Variants in SEMA3G observed in about 807,000 individuals in gnomAD.
The protein encoded by SEMA3G is semaphorin 3G, also known as semaphorin-3G.
A neutral mutation model predicts 86.2 loss-of-function variants in SEMA3G; 70 were observed. That is an observed-to-expected ratio of 0.81 (90% confidence interval 0.67 to 0.99). The LOEUF (loss-of-function observed/expected upper bound fraction) is 0.99, where lower values mean the gene tolerates loss of function less well. SEMA3G is among the 50% of genes least tolerant of loss of function. SEMA3G has a pLI of 0.00. For synonymous variants in SEMA3G, 416 were observed against 441.4 expected, an observed-to-expected ratio of 0.94 and a Z score of 0.72; for missense variants, 1,002 against 1,072.4, an observed-to-expected ratio of 0.93 and a Z score of 0.92.
chr3:52,435,351 A>C lies in SEMA3G; in HGVS notation c.*252T>G, dbSNP rs761496243. 6.7e-5 allele frequency: 36 copies of C among 533,722 alleles called. No homozygotes were observed. The highest frequency in any genetic ancestry group is 1.2e-4 in the Non-Finnish European group (36 of 299,884). The allele number at this position is 533,722 out of a possible 1,614,324, so 33.1% of individuals were successfully genotyped here. A position where few individuals can be genotyped will look rare whatever the true frequency, so the allele number is the denominator to read the frequency against. ...GGCCATCTCTGAGAACAAATGGCAG[A>C]TCCCTTGGGGCTGCCAGCAGCCAGA... On this transcript the variant is annotated 3_prime_UTR_variant, in exon 16 of 16. Transcript: ENST00000231721.
Position 52,442,145 on chromosome 3 carries a change from A to C in SEMA3G, c.459+40T>G. On this transcript the variant is annotated intron_variant, in intron 4 of 15. Coordinates refer to ENST00000231721, the MANE Select transcript of SEMA3G (RefSeq NM_020163.3). This position sits in a 1 kb window ranked among gnomAD's most constrained non-coding sequence, Gnocchi z 6.1. ...GTTCAGGCAGCAGGGAGGAAATGTC[A>C]CTGCCTCCCAGTCCCTTGTGGGGCC... 2 of 1,590,792 alleles carry C rather than the reference A, an allele frequency of 1.3e-6. No homozygotes were observed. Among genetic ancestry groups the C allele is most frequent in the Non-Finnish European group, 1.7e-6 (2 of 1,166,240 alleles).
At chr3:52,436,460 C>T (rs1053992559) in intron 15 of SEMA3G, among the ~76,000 whole-genome samples, 2 of 152,252 alleles carry the variant, frequency 1.3e-5, no homozygotes, top group African/African-American at 4.8e-5. Context: ...AAGGGAGGGG[C>T]TGTGCCCCCT....
intron 15 of SEMA3G, 41 bp from the exon 16 acceptor site, chr3:52,436,114 G>A: frequency 6.4e-7 from 1 of 1,555,802 alleles, no homozygotes. Context: ...GTGCAAGGTG[G>A]GAGTTTACCA....
At position 52,438,172 on chromosome 3, in the gene SEMA3G, C is replaced by A; in HGVS notation, c.1537G>T (p.Gly513Cys). The change falls in exon 14 of 16, where the codon GGT becomes TGT. Residue 513 changes from glycine (G) to cysteine (C), a missense_variant. Coordinates refer to ENST00000231721, the MANE Select transcript of SEMA3G (RefSeq NM_020163.3). ...TGGTGCAGCCGCAGCTGGGCCACAC[C>A]CAGCCGAGAGCCCACGTATAGCATT... Reference protein sequence around the residue: ...RQMLYVGSRLGVAQLRLHQCE... With the variant: ...RQMLYVGSRLCVAQLRLHQCE... 1 of 1,613,276 alleles carries A rather than the reference C, an allele frequency of 6.2e-7. No individual in the cohort carries two copies. The highest frequency in any genetic ancestry group is 8.5e-7 in the Non-Finnish European group (1 of 1,179,964).
rs560280805 is a variant in SEMA3G, at chr3:52,436,169, G to T, written c.1879-96C>A. ...TTTTCTGCCATCCTTGGGGCCCAGT[G>T]CCTGGGCACTTCTTGCCCTATTCTC... On this transcript the variant is annotated intron_variant, in intron 15 of 15. Transcript: ENST00000231721. The T allele has an allele frequency of 6.8e-6, 10 of 1,467,400 alleles. No individual in the cohort carries two copies. In the East Asian group the frequency reaches 2.0e-4, roughly 29 times the overall value. 90.9% of individuals were successfully genotyped at this position (1,467,400 alleles called of 1,614,324 possible).
intron 7 of SEMA3G, 72 bp from the exon 8 acceptor site, chr3:52,441,120 C>A (rs548488323): frequency 1.4e-6 from 2 of 1,473,482 alleles, no homozygotes; most frequent in Admixed American, 3.8e-5. Context: ...CTTCTACCCT[C>A]ACCCACTCGG....
intron 15 of SEMA3G, among the ~76,000 whole-genome samples, chr3:52,436,480 C>G (rs1706051626): frequency 1.3e-5 from 2 of 152,250 alleles, no homozygotes; most frequent in Admixed American, 1.3e-4. Context: ...TGGCCCAGAA[C>G]TGGGCTTCAG....
In SEMA3G at chr3:52,444,559, C is replaced by T. The variant is rs556219532; in HGVS notation, c.115+354G>A. On this transcript the variant is annotated intron_variant, in intron 1 of 15. Transcript: ENST00000231721. ...CAAACAGGGCACACGCACACAAACT[C>T]GGCACACGCACACAAACACTGCACA... Among the ~76,000 whole-genome samples, 182 of 138,472 alleles carry T rather than the reference C, an allele frequency of 1.3e-3. 1 individual carries two copies. Among genetic ancestry groups the T allele is most frequent in the South Asian group, 2.3e-4 (1 of 4,308 alleles). The allele number at this position is 138,472 out of a possible 152,430, so 90.8% of individuals were successfully genotyped here.
Position 52,442,034 on chromosome 3 carries a change from G to A in SEMA3G, c.460-125C>T. ...GGTGGGCGGAAGGCGTCCTCATCCA[G>A]GGCCCCTCTAATGGGGTCAGCTCCC... is the stretch of plus-strand genomic sequence containing the variant. On this transcript the variant is annotated intron_variant, in intron 4 of 15. Transcript: ENST00000231721. The surrounding 1 kb of genome is among the most constrained non-coding windows in gnomAD (Gnocchi z 6.1). 7.5e-7 allele frequency: 1 copy of A among 1,330,554 alleles called. No individual in the cohort carries two copies. Among genetic ancestry groups the A allele is most frequent in the South Asian group, 1.4e-5 (1 of 72,506 alleles). 82.4% of individuals were successfully genotyped at this position (1,330,554 alleles called of 1,614,324 possible).
In SEMA3G at chr3:52,433,057, A is replaced by C. The variant is rs2153229466; in HGVS notation, c.*2546T>G. Reference sequence around the variant, plus strand: ...GGTCAGTCTTACAAGCCCACAGGCCAGGATGTTCCTCATTTAATGAGCAAT... The same window carrying C: ...GGTCAGTCTTACAAGCCCACAGGCCCGGATGTTCCTCATTTAATGAGCAAT... On this transcript the variant is annotated 3_prime_UTR_variant, in exon 16 of 16. Transcript: ENST00000231721. 1 of 152,012 alleles carries C rather than the reference A, an allele frequency of 6.6e-6. No homozygotes were observed. The highest frequency in any genetic ancestry group is 6.5e-5 in the Admixed American group (1 of 15,272). The allele number at this position is 152,012 out of a possible 1,614,324, so 9.4% of individuals were successfully genotyped here.
At position 52,438,918 on chromosome 3, in the gene SEMA3G, A is replaced by G; in HGVS notation, c.1509+2T>C. 1 of 1,613,392 alleles carries G rather than the reference A, an allele frequency of 6.2e-7. No individual in the cohort carries two copies. The highest frequency in any genetic ancestry group is 8.5e-7 in the Non-Finnish European group (1 of 1,179,618). On this transcript the variant is annotated splice_donor_variant, in intron 13 of 15. Transcript: ENST00000231721. LOFTEE classifies it high-confidence loss of function. Reference sequence around the variant, plus strand: ...CAAGAGGAGGGTGGCAGCTGTTCTTACCCTTTTGACAGAGATCTCCATTTC... The same window carrying G: ...CAAGAGGAGGGTGGCAGCTGTTCTTGCCCTTTTGACAGAGATCTCCATTTC...
intron 14 of SEMA3G, 80 bp from the exon 15 acceptor site, chr3:52,437,746 G>A (rs1175634887): frequency 6.7e-7 from 1 of 1,488,006 alleles, no homozygotes; most frequent in African/African-American, 1.4e-5. Flanking sequence ...CCACAGCTCA[G>A]GAGCCCCACT....
At chr3:52,441,155 C>T in intron 7 of SEMA3G, 107 bp from the exon 8 acceptor site, 3 of 1,501,706 alleles carry the variant, frequency 2.0e-6, no homozygotes, top group Non-Finnish European at 2.7e-6. Context: ...GTCAGCTTTG[C>T]ATCCTTGCCT....
Position 52,441,563 on chromosome 3 carries a change from G to C in SEMA3G, c.667+11C>G. 1 of 1,609,022 alleles carries C rather than the reference G, an allele frequency of 6.2e-7. No individual in the cohort carries two copies. ...CTCTTCACCCCTGCCAGTTCCAGGG[G>C]CAGGCCTCACCGTGCAAGAGACTCT... On this transcript the variant is annotated intron_variant, in intron 6 of 15. Transcript: ENST00000231721.
At chr3:52,443,276 C>T (rs146702006) in intron 1 of SEMA3G, among the ~76,000 whole-genome samples, 10 of 152,310 alleles carry the variant, frequency 6.6e-5, no homozygotes, top group East Asian at 3.9e-4. Flanking sequence ...GGAGGAAGGG[C>T]GGGAGTCTTT....
At position 52,442,579 on chromosome 3, in the gene SEMA3G, G is replaced by A. The variant is rs1297949367; in HGVS notation, c.319C>T (p.Arg107Ter). The A allele has an allele frequency of 3.7e-6, 6 of 1,614,034 alleles. No individual in the cohort carries two copies. The highest frequency in any genetic ancestry group is 1.3e-5 in the African/African-American group (1 of 75,020). ...CTCACCAAAGGATCTCTTCCCTTTC[G>A]AACACACTCCTCCCTCTGTCCTGGC... ...PQPGQREECV[R>*]KGRDPLTECA... The change falls in exon 3 of 16, where the codon CGA becomes TGA. Residue 107 changes from arginine (R) to a stop codon, truncating the protein, a stop_gained. Transcript: ENST00000231721. LOFTEE classifies it high-confidence loss of function. This position sits in a 1 kb window ranked among gnomAD's most constrained non-coding sequence, Gnocchi z 6.1.
Position 52,433,039 on chromosome 3 carries a change from C to G in SEMA3G, c.*2564G>C, listed in dbSNP as rs1043652248. 1 of 151,692 alleles carries G rather than the reference C, an allele frequency of 6.6e-6. No individual in the cohort carries two copies. Among genetic ancestry groups the G allele is most frequent in the South Asian group, 2.1e-4 (1 of 4,830 alleles). The allele number at this position is 151,692 out of a possible 1,614,324, so 9.4% of individuals were successfully genotyped here. A position where few individuals can be genotyped will look rare whatever the true frequency, so the allele number is the denominator to read the frequency against. ...CTCCTGAAGTCCCAAGAAGGTCAGT[C>G]TTACAAGCCCACAGGCCAGGATGTT... On this transcript the variant is annotated 3_prime_UTR_variant, in exon 16 of 16. Coordinates refer to ENST00000231721, the MANE Select transcript of SEMA3G (RefSeq NM_020163.3).
At position 52,435,818 on chromosome 3, in the gene SEMA3G, G is replaced by T. The variant is rs762608030; in HGVS notation, c.2134C>A (p.Gln712Lys). The T allele has an allele frequency of 1.1e-5, 17 of 1,614,038 alleles. No homozygotes were observed. Among genetic ancestry groups the T allele is most frequent in the African/African-American group, 1.3e-5 (1 of 74,940 alleles). The part of the protein sequence containing the change: ...PPKAWYKDIL[Q>K]LIGFANLPRV... The stretch of plus-strand genomic sequence containing the variant: ...GGCAGGTTGGCGAAGCCAATGAGCT[G>T]CAGGATGTCCTTGTACCAGGCCTTG... The change falls in exon 16 of 16, where the codon CAG becomes AAG. Residue 712 changes from glutamine (Q) to lysine (K), a missense_variant. Transcript: ENST00000231721.
chr3:52,438,435 G>A (rs1293054042), intron 13 of SEMA3G: 20 of 985,276 alleles, frequency 2.0e-5, no homozygotes, highest in Middle Eastern at 5.2e-4. Context: ...TCTCTAAGGG[G>A]CTTCTCCAGG....
Sources: allele counts gnomAD v4.1 joint callset (sites outside exome capture counted in the v4.1 genomes callset), GRCh38; gene constraint gnomAD v4.1.1; non-coding constraint Gnocchi (gnomAD v3.1); transcripts MANE v1.5; gene names NCBI Gene and HGNC (gene_info 2026-07-23, HGNC 2026-07-21).